Variants in CDH13 observed in about 807,000 individuals in gnomAD.
The protein encoded by CDH13 is cadherin-13.
A neutral mutation model predicts 63.8 loss-of-function variants in CDH13; 24 were observed. That is an observed-to-expected ratio of 0.38 (90% CI 0.27 to 0.53). The LOEUF (loss-of-function observed/expected upper bound fraction) is 0.53, where lower values mean the gene tolerates loss of function less well. Ranked by LOEUF, CDH13 falls within the 20% of genes least tolerant of loss-of-function variation. The probability of loss-of-function intolerance (pLI) is 0.85; values close to 1 mark genes in which losing one functional copy is unlikely to be tolerated. For synonymous variants in CDH13, 503 were observed against 355.3 expected, an observed-to-expected ratio of 1.42 and a Z score of -4.67; for missense variants, 1,049 against 903.1, an observed-to-expected ratio of 1.16 and a Z score of -2.07.
chr16:83,129,962 C>G (rs1380492393), intron 4 of CDH13, among the ~76,000 whole-genome samples: 1 of 152,132 alleles, frequency 6.6e-6, no homozygotes, highest in African/African-American at 2.4e-5. Flanking sequence ...CCTGTACTTG[C>G]CTCTCTCTCT....
At chr16:83,094,430 C>G (rs1301336563) in intron 3 of CDH13, among the ~76,000 whole-genome samples, 2 of 152,196 alleles carry the variant, frequency 1.3e-5, no homozygotes, top group African/African-American at 2.4e-5. Flanking sequence ...GAGATCTCAA[C>G]TGACCCTGCA....
At chr16:83,102,502 C>T (rs1252417763) in intron 3 of CDH13, among the ~76,000 whole-genome samples, 3 of 152,136 alleles carry the variant, frequency 2.0e-5, no homozygotes, top group African/African-American at 4.8e-5. Flanking sequence ...GGGCAGAGTG[C>T]AGATGACATG....
At chr16:83,487,846 C>T (rs769018391) in intron 7 of CDH13, among the ~76,000 whole-genome samples, 4 of 152,192 alleles carry the variant, frequency 2.6e-5, no homozygotes, top group Non-Finnish European at 4.4e-5. Flanking sequence ...GCTTTCTCCT[C>T]TCTTATGTGC....
At chr16:83,045,168 A>C (rs1354153534) in intron 3 of CDH13, among the ~76,000 whole-genome samples, 2 of 152,206 alleles carry the variant, frequency 1.3e-5, no homozygotes, top group African/African-American at 4.8e-5. Flanking sequence ...AGTAGTTAGC[A>C]ATAAAAATTA....
intron 2 of CDH13, among the ~76,000 whole-genome samples, chr16:82,898,633 G>T (rs80234280): frequency 1.3e-5 from 2 of 152,340 alleles, no homozygotes; most frequent in East Asian, 3.9e-4. Flanking sequence ...AGGTCACAGA[G>T]CCCGGAGCAA....
chr16:82,829,891 C>T (rs555315119), intron 1 of CDH13, among the ~76,000 whole-genome samples: 1 of 152,236 alleles, frequency 6.6e-6, no homozygotes, highest in Admixed American at 6.5e-5. Flanking sequence ...GTCAAAATGC[C>T]TCATCTCCTT....
intron 7 of CDH13, among the ~76,000 whole-genome samples, chr16:83,572,497 A>G (rs8047860): frequency 6.6e-6 from 1 of 152,016 alleles, no homozygotes. Context: ...CTCCTGGACC[A>G]TCTCGTCTCA....
At chr16:83,421,318 CAATA>C (rs1340289474) in intron 6 of CDH13, among the ~76,000 whole-genome samples, 1 of 152,172 alleles carries the variant, frequency 6.6e-6, no homozygotes, top group African/African-American at 2.4e-5. Flanking sequence ...CTAGATTAAA[CAATA>C]AATAAATGTA....
chr16:82,881,544 G>C (rs906316560), intron 2 of CDH13, among the ~76,000 whole-genome samples: 4 of 152,184 alleles, frequency 2.6e-5, no homozygotes, highest in Non-Finnish European at 4.4e-5. Flanking sequence ...GGAAAAGACT[G>C]TCTTTAGCCA....
intron 8 of CDH13, among the ~76,000 whole-genome samples, chr16:83,652,301 C>T (rs1026462132): frequency 6.6e-6 from 1 of 152,172 alleles, no homozygotes; most frequent in African/African-American, 2.4e-5. Flanking sequence ...GTAATGAAAG[C>T]AGAAGGTTTC....
chr16:82,848,507 T>G (rs1038082765), intron 1 of CDH13, among the ~76,000 whole-genome samples: 1 of 152,202 alleles, frequency 6.6e-6, no homozygotes, highest in Non-Finnish European at 1.5e-5. Flanking sequence ...TTCCTTTTTT[T>G]AAATTATTAC....
At chr16:83,730,830 G>A (rs1822329224) in intron 10 of CDH13, among the ~76,000 whole-genome samples, 2 of 152,070 alleles carry the variant, frequency 1.3e-5, no homozygotes, top group African/African-American at 2.4e-5. Flanking sequence ...CCCCCTTCTA[G>A]TAGTCCCCAA....
chr16:82,893,469 T>C (rs1193307833), intron 2 of CDH13, among the ~76,000 whole-genome samples: 2 of 152,208 alleles, frequency 1.3e-5, no homozygotes, highest in Non-Finnish European at 2.9e-5. Flanking sequence ...AATCTACAAG[T>C]GTGATCAGTT....
At chr16:83,346,580 C>T (rs899942991) in intron 6 of CDH13, among the ~76,000 whole-genome samples, 4 of 152,124 alleles carry the variant, frequency 2.6e-5, no homozygotes, top group Non-Finnish European at 4.4e-5. Context: ...TGGCTGTGAG[C>T]TTGCACATGT....
intron 7 of CDH13, 128 bp from the exon 8 acceptor site, chr16:83,602,326 A>G (rs1907925397): frequency 1.1e-6 from 1 of 883,896 alleles, no homozygotes; most frequent in African/African-American, 1.6e-5. Context: ...AAATGTTATC[A>G]CTCTTTAAAG....
intron 5 of CDH13, among the ~76,000 whole-genome samples, chr16:83,251,623 C>G (rs1427778453): frequency 6.6e-6 from 1 of 152,208 alleles, no homozygotes; most frequent in African/African-American, 2.4e-5. Context: ...CTAGAGAAGG[C>G]ACATCACCTG....
intron 4 of CDH13, among the ~76,000 whole-genome samples, chr16:83,188,169 A>G (rs1306780592): frequency 6.6e-6 from 1 of 152,174 alleles, no homozygotes; most frequent in Non-Finnish European, 1.5e-5. Flanking sequence ...TGGTGAAGAC[A>G]GATGTGATCT....
chr16:82,971,275 TG>T (rs1908704498), intron 2 of CDH13, among the ~76,000 whole-genome samples: 1 of 152,246 alleles, frequency 6.6e-6, no homozygotes, highest in Non-Finnish European at 1.5e-5. Flanking sequence ...TTTTGTTGGC[TG>T]CTTTCCCTGC....
intron 8 of CDH13, among the ~76,000 whole-genome samples, chr16:83,661,760 C>A (rs1001663292): frequency 6.6e-6 from 1 of 152,202 alleles, no homozygotes; most frequent in Non-Finnish European, 1.5e-5. Flanking sequence ...CCTCAAAAGC[C>A]ATGGACTCAG....
Sources: gnomAD v4.1 joint callset for allele counts (sites outside exome capture counted in the v4.1 genomes callset) on GRCh38, gnomAD v4.1.1 for gene constraint, MANE v1.5 for transcripts, NCBI Gene and HGNC (gene_info 2026-07-23, HGNC 2026-07-21) for gene names.